Variants in ADTRP observed in about 807,000 individuals in gnomAD.
ADTRP encodes the protein androgen-dependent TFPI-regulating protein.
In ADTRP, 20 loss-of-function variants were observed where a neutral mutation model predicts 27.0. The ratio of observed to expected loss-of-function variants is 0.74; its 90% CI spans 0.52 to 1.08. The LOEUF (loss-of-function observed/expected upper bound fraction) is 1.08, where lower values mean the gene tolerates loss of function less well. Among genes scored for constraint, ADTRP ranks in the 50% least tolerant of loss-of-function variants. The probability of loss-of-function intolerance (pLI) is 0.00; values close to 1 mark genes in which losing one functional copy is unlikely to be tolerated. For synonymous variants in ADTRP, 101 were observed against 105.2 expected (o/e 0.96, Z 0.25); for missense variants, 251 against 275.0 (o/e 0.91, Z 0.62).
intron 3 of ADTRP, among the ~76,000 whole-genome samples, chr6:11,756,043 A>G (rs927962177): frequency 6.6e-6 from 1 of 152,160 alleles, no homozygotes; most frequent in Non-Finnish European, 1.5e-5. Flanking sequence ...TCTCATGTAG[A>G]CCTGGTCTAG....
chr6:11,765,466 T>C (rs941679805), intron 3 of ADTRP, among the ~76,000 whole-genome samples: 1 of 151,902 alleles, frequency 6.6e-6, no homozygotes, highest in African/African-American at 2.4e-5. Context: ...TAGCTGGGAT[T>C]ACAGGAGCGT....
At position 11,768,375 on chromosome 6, in the gene ADTRP, C is replaced by T; in HGVS notation, c.162G>A (p.Gln54=). 2 of 1,614,162 alleles carry T rather than the reference C, an allele frequency of 1.2e-6. No homozygotes were observed. The highest frequency in any genetic ancestry group is 1.7e-6 in the Non-Finnish European group (2 of 1,180,022). Residue 54 remains glutamine (Q), a synonymous_variant, in exon 2 of 6, where the codon CAG becomes CAA. Transcript: ENST00000414691. ...KYMTLLNLLL[Q]TIFYGVTCLD... is the part of the protein sequence containing the mutation. Reference sequence around the variant, plus strand: ...GGCAGGTGACCCCGTAGAAAATGGTCTGCAAGAGCTAAATCCATTACAACA... The same window carrying T: ...GGCAGGTGACCCCGTAGAAAATGGTTTGCAAGAGCTAAATCCATTACAACA...
chr6:11,769,548 T>C (rs537137427), intron 1 of ADTRP, among the ~76,000 whole-genome samples: 22 of 152,144 alleles, frequency 1.4e-4, no homozygotes, highest in Non-Finnish European at 2.8e-4. Flanking sequence ...GGAAATGGGG[T>C]CCAAGAGTTT....
At chr6:11,770,322 G>T (rs1407156572) in intron 1 of ADTRP, among the ~76,000 whole-genome samples, 1 of 152,162 alleles carries the variant, frequency 6.6e-6, no homozygotes, top group Non-Finnish European at 1.5e-5. Flanking sequence ...GGCAGCTGAG[G>T]CTGAGAACCA....
intron 3 of ADTRP, among the ~76,000 whole-genome samples, chr6:11,739,283 C>T (rs1762643433): frequency 6.6e-6 from 1 of 152,138 alleles, no homozygotes. Context: ...AACAAAACAT[C>T]ATGGGCTGAA....
intron 5 of ADTRP, among the ~76,000 whole-genome samples, chr6:11,722,481 G>A (rs1762049906): frequency 6.6e-6 from 1 of 152,140 alleles, no homozygotes; most frequent in African/African-American, 2.4e-5. Context: ...GCATGTGGGC[G>A]AGTGATGTGG....
chr6:11,724,381 CATAAA>C (rs1762122313), intron 4 of ADTRP, among the ~76,000 whole-genome samples: 1 of 152,094 alleles, frequency 6.6e-6, no homozygotes, highest in Admixed American at 6.5e-5. Flanking sequence ...TGCATATAGC[CATAAA>C]TAGAGTGTTA....
At chr6:11,766,472 A>G in intron 2 of ADTRP, 97 bp from the exon 3 acceptor site, 1 of 840,638 alleles carries the variant, frequency 1.2e-6, no homozygotes, top group South Asian at 1.7e-5. Flanking sequence ...AAAACAGACA[A>G]CCATTTTAAA....
intron 3 of ADTRP, among the ~76,000 whole-genome samples, chr6:11,746,545 T>G (rs1307325366): frequency 1.3e-5 from 2 of 152,160 alleles, no homozygotes; most frequent in African/African-American, 2.4e-5. Context: ...CATTGCCAAA[T>G]GTCCCCTGCA....
intron 1 of ADTRP, among the ~76,000 whole-genome samples, chr6:11,776,761 A>G (rs922987770): frequency 6.6e-6 from 1 of 152,122 alleles, no homozygotes; most frequent in African/African-American, 2.4e-5. Context: ...TGCAGAAGAG[A>G]CCAGCCTCCC....
intron 4 of ADTRP, 61 bp from the exon 5 acceptor site, chr6:11,723,561 A>C: frequency 6.3e-7 from 1 of 1,586,470 alleles, no homozygotes; most frequent in Non-Finnish European, 8.6e-7. Context: ...CCATTTTCTC[A>C]TCAGGATTAA....
intron 3 of ADTRP, among the ~76,000 whole-genome samples, chr6:11,764,845 G>A (rs1358772818): frequency 7.1e-6 from 1 of 140,618 alleles, no homozygotes; most frequent in Non-Finnish European, 1.5e-5. Context: ...TGAATTAAAT[G>A]AGCCCATACC....
chr6:11,723,624 A>C, intron 4 of ADTRP, 124 bp from the exon 5 acceptor site: 1 of 1,103,118 alleles, frequency 9.1e-7, no homozygotes, highest in Non-Finnish European at 1.3e-6. Context: ...ACGTTTGTCA[A>C]CAGCTGTAGT....
At chr6:11,736,001 C>A (rs1441646439) in intron 3 of ADTRP, 3 of 224,936 alleles carry the variant, frequency 1.3e-5, no homozygotes, top group Non-Finnish European at 2.7e-5. Flanking sequence ...CTCTGTCACT[C>A]ACCCAGGCTG....
chr6:11,760,005 C>T (rs1022484043), intron 3 of ADTRP, among the ~76,000 whole-genome samples: 11 of 152,184 alleles, frequency 7.2e-5, no homozygotes, highest in South Asian at 2.1e-4. Context: ...GACTCCAGAA[C>T]GAATGCCACT....
At chr6:11,777,187 C>T (rs1415373881) in intron 1 of ADTRP, among the ~76,000 whole-genome samples, 1 of 152,168 alleles carries the variant, frequency 6.6e-6, no homozygotes, top group African/African-American at 2.4e-5. Flanking sequence ...TTTTCTCACT[C>T]TTGGAAAATA....
At chr6:11,767,346 AC>A (rs989986911) in intron 2 of ADTRP, among the ~76,000 whole-genome samples, 1 of 152,044 alleles carries the variant, frequency 6.6e-6, no homozygotes, top group Non-Finnish European at 1.5e-5. Flanking sequence ...CCCCTCCCCT[AC>A]CCCCCAAAAC....
intron 4 of ADTRP, among the ~76,000 whole-genome samples, chr6:11,732,337 A>G (rs1363013848): frequency 6.6e-6 from 1 of 152,072 alleles, no homozygotes; most frequent in African/African-American, 2.4e-5. Flanking sequence ...CATGCTCTTT[A>G]CCTCATTCGT....
intron 3 of ADTRP, among the ~76,000 whole-genome samples, chr6:11,751,221 G>A (rs1259465060): frequency 6.6e-6 from 1 of 152,158 alleles, no homozygotes; most frequent in Non-Finnish European, 1.5e-5. Context: ...GAAAAGTAGA[G>A]ATGCTTCCAG....
Sources: gnomAD v4.1 joint callset for allele counts (sites outside exome capture counted in the v4.1 genomes callset) on GRCh38, gnomAD v4.1.1 for gene constraint, MANE v1.5 for transcripts, NCBI Gene and HGNC (gene_info 2026-07-23, HGNC 2026-07-21) for gene names.